Variants in CCDC178 observed in about 807,000 individuals in gnomAD.
CCDC178 encodes coiled-coil domain containing 178.
In CCDC178, 126 loss-of-function variants were observed where a neutral mutation model predicts 117.4. The observed-to-expected ratio is 1.07, with a 90% CI of 0.93 to 1.24. The LOEUF (loss-of-function observed/expected upper bound fraction) is 1.24. Among genes scored for constraint, CCDC178 ranks in the 50% most tolerant of loss-of-function variants. The pLI is 0.00. For missense variants in CCDC178, 1,030 were observed against 986.9 expected (o/e 1.04, Z -0.59); for synonymous variants, 283 against 313.4 (o/e 0.90, Z 1.02).
chr18:32,999,357 T>C (rs2055584279), intron 21 of CCDC178, among the ~76,000 whole-genome samples: 1 of 152,146 alleles, frequency 6.6e-6, no homozygotes, highest in Non-Finnish European at 1.5e-5. Context: ...GGTTTCCAAC[T>C]TTAGGCTCTG....
At chr18:33,262,689 C>T (rs971913283) in intron 14 of CCDC178, among the ~76,000 whole-genome samples, 3 of 152,058 alleles carry the variant, frequency 2.0e-5, no homozygotes, top group African/African-American at 7.2e-5. Flanking sequence ...CATGCACTTT[C>T]TCTAAGCTTC....
At chr18:33,098,459 G>T (rs1047143830) in intron 20 of CCDC178, among the ~76,000 whole-genome samples, 3 of 151,962 alleles carry the variant, frequency 2.0e-5, no homozygotes, top group Non-Finnish European at 1.5e-5. Flanking sequence ...ACTGTCTGTT[G>T]CTGTCTTAGC....
intron 20 of CCDC178, among the ~76,000 whole-genome samples, chr18:33,096,415 T>C (rs534388810): frequency 6.0e-5 from 9 of 149,428 alleles, no homozygotes; most frequent in Admixed American, 2.7e-4. Context: ...ATAAAGCCTA[T>C]ATCATATTTC....
intron 21 of CCDC178, among the ~76,000 whole-genome samples, chr18:33,062,164 A>C (rs1047533063): frequency 6.6e-6 from 1 of 152,208 alleles, no homozygotes; most frequent in Admixed American, 6.5e-5. Context: ...ATATCTTTTC[A>C]TCTTATTTCT....
At position 32,937,922 on chromosome 18, in the gene CCDC178, A is replaced by T. The variant is rs942383215; in HGVS notation, c.*89T>A. The T allele has an allele frequency of 9.8e-7, 1 of 1,019,670 alleles. No individual in the cohort carries two copies. The highest frequency in any genetic ancestry group is 1.8e-5 in the Admixed American group (1 of 54,438). The allele number at this position is 1,019,670 out of a possible 1,614,324, so 63.2% of individuals were successfully genotyped here. A position where few individuals can be genotyped will look rare whatever the true frequency, so the allele number is the denominator to read the frequency against. ...TCGTTCATGGAAGTGTGAAATGGCA[A>T]ACAGGTGAATGTCCAATTACACTGT... is the stretch of plus-strand genomic sequence containing the variant. On this transcript the variant is annotated 3_prime_UTR_variant, in exon 23 of 23. Coordinates refer to ENST00000383096, the MANE Select transcript of CCDC178 (RefSeq NM_001105528.4).
chr18:32,991,260 G>A (rs1159620783), intron 21 of CCDC178, among the ~76,000 whole-genome samples: 11 of 152,108 alleles, frequency 7.2e-5, no homozygotes, highest in Admixed American at 6.5e-4. Flanking sequence ...CTTGATAAAT[G>A]TTTGCCGGGC....
At chr18:32,949,894 C>G (rs560403695) in intron 22 of CCDC178, among the ~76,000 whole-genome samples, 2 of 152,020 alleles carry the variant, frequency 1.3e-5, no homozygotes, top group Non-Finnish European at 2.9e-5. Context: ...ATAGTTTGAT[C>G]CTTTTAAGCC....
At chr18:32,991,192 A>C (rs2055382522) in intron 21 of CCDC178, among the ~76,000 whole-genome samples, 1 of 152,194 alleles carries the variant, frequency 6.6e-6, no homozygotes, top group African/African-American at 2.4e-5. Flanking sequence ...ATAGTGGTAA[A>C]GCCGGTATTC....
intron 21 of CCDC178, among the ~76,000 whole-genome samples, chr18:32,985,496 A>G (rs946834589): frequency 3.9e-5 from 6 of 151,994 alleles, no homozygotes; most frequent in African/African-American, 1.4e-4. Flanking sequence ...AGAAAATCTG[A>G]AAAGTAGTGC....
At chr18:32,938,127 T>A in intron 22 of CCDC178, 36 bp from the exon 23 acceptor site, 3 of 1,366,272 alleles carry the variant, frequency 2.2e-6, no homozygotes, top group Non-Finnish European at 3.1e-6. Context: ...AATCAATAAG[T>A]ACTCATTAAT....
intron 22 of CCDC178, among the ~76,000 whole-genome samples, chr18:32,946,228 G>A (rs899612219): frequency 8.5e-5 from 13 of 152,128 alleles, no homozygotes; most frequent in African/African-American, 3.1e-4. Context: ...AGCTAACCTT[G>A]TAGATGGTTG....
chr18:33,327,466 T>C (rs897250124), intron 10 of CCDC178, among the ~76,000 whole-genome samples: 1 of 152,232 alleles, frequency 6.6e-6, no homozygotes, highest in African/African-American at 2.4e-5. Flanking sequence ...TTTAGATGTA[T>C]ACCTGGGAGT....
At chr18:33,115,439 T>TA (rs2145143251) in intron 20 of CCDC178, among the ~76,000 whole-genome samples, 1 of 152,182 alleles carries the variant, frequency 6.6e-6, no homozygotes, top group East Asian at 1.9e-4. Context: ...ATAATAGTGA[T>TA]ACCAAGTCTT....
chr18:33,371,937 A>T (rs891396984), intron 5 of CCDC178, among the ~76,000 whole-genome samples: 1 of 152,054 alleles, frequency 6.6e-6, no homozygotes, highest in South Asian at 2.1e-4. Context: ...AGGTTTTGAT[A>T]CACATTTAAC....
chr18:32,969,908 T>C (rs1298542680), intron 22 of CCDC178, among the ~76,000 whole-genome samples: 1 of 151,922 alleles, frequency 6.6e-6, no homozygotes, highest in African/African-American at 2.4e-5. Context: ...CAAGTTTAAG[T>C]AAAAATAAAA....
chr18:33,361,661 T>C (rs2063129736), intron 6 of CCDC178, among the ~76,000 whole-genome samples: 1 of 151,718 alleles, frequency 6.6e-6, no homozygotes, highest in African/African-American at 2.4e-5. Context: ...ACATGACGTA[T>C]CTTCAAAAAA....
chr18:32,987,877 C>T lies in CCDC178; in HGVS notation c.2389-13196G>A, dbSNP rs182663155. ...CTTTGGGAGGCCGAGGCAGGTGGAT[C>T]GCCTGAGGCCAAGAGTTTGAGACCA... On this transcript the variant is annotated intron_variant, in intron 21 of 22. Coordinates refer to ENST00000383096, the MANE Select transcript of CCDC178 (RefSeq NM_001105528.4). Among the ~76,000 whole-genome samples the T allele has an allele frequency of 5.3e-5, 8 of 151,906 alleles. No homozygotes were observed. The East Asian group carries it at 9.7e-4, about 18-fold the overall frequency.
At chr18:33,209,997 A>G (rs1376941322) in intron 20 of CCDC178, among the ~76,000 whole-genome samples, 1 of 152,018 alleles carries the variant, frequency 6.6e-6, no homozygotes, top group Non-Finnish European at 1.5e-5. Flanking sequence ...TGAGTTTGGT[A>G]AAGTATCAGG....
chr18:33,115,901 A>G (rs1000565351), intron 20 of CCDC178, among the ~76,000 whole-genome samples: 1 of 152,078 alleles, frequency 6.6e-6, no homozygotes, highest in African/African-American at 2.4e-5. Context: ...TGACTCTTTT[A>G]TTGCAAATTA....
Sources: gnomAD v4.1 joint callset for allele counts (sites outside exome capture counted in the v4.1 genomes callset) on GRCh38, gnomAD v4.1.1 for gene constraint, MANE v1.5 for transcripts, NCBI Gene and HGNC (gene_info 2026-07-23, HGNC 2026-07-21) for gene names.